Variants in ZNF221 observed in about 807,000 individuals in gnomAD.
ZNF221 encodes zinc finger protein 221.
Under a neutral mutation model 12.6 loss-of-function variants are expected in ZNF221, and 10 were observed. The ratio of observed to expected loss-of-function variants is 0.79; its 90% CI spans 0.49 to 1.34. The LOEUF is 1.34. Among genes scored for constraint, ZNF221 ranks in the 40% most tolerant of loss-of-function variants. The pLI, the probability that ZNF221 is intolerant of heterozygous loss-of-function variation, is 0.00. For missense variants in ZNF221, 661 were observed against 721.4 expected, an observed-to-expected ratio of 0.92 and a Z score of 0.96; for synonymous variants, 232 against 244.0, an observed-to-expected ratio of 0.95 and a Z score of 0.46.
At position 43,966,127 on chromosome 19, in the gene ZNF221, T is replaced by A; in HGVS notation, c.625T>A (p.Tyr209Asn). 1 of 1,614,224 alleles carries A rather than the reference T, an allele frequency of 6.2e-7. No homozygotes were observed. The highest frequency in any genetic ancestry group is 8.5e-7 in the Non-Finnish European group (1 of 1,180,032). The part of the protein sequence containing the change: ...TCGECGKSFC[Y>N]SPALHIHQRV... Reference sequence around the variant, plus strand: ...TGGTGAGTGTGGAAAAAGCTTCTGTTACAGCCCAGCCCTTCATATTCATCA... The same window carrying A: ...TGGTGAGTGTGGAAAAAGCTTCTGTAACAGCCCAGCCCTTCATATTCATCA... The change falls in exon 5 of 5, where the codon TAC becomes AAC. Residue 209 changes from tyrosine to asparagine, a missense_variant. By Grantham distance (143) the Tyr-to-Asn change is moderately radical. Coordinates refer to ENST00000587682, the MANE Select transcript of ZNF221 (RefSeq NM_001297588.2).
chr19:43,967,320 T>C lies in ZNF221; in HGVS notation c.1818T>C (p.Phe606=), dbSNP rs546657075. ...EEIYSEFTAS[F]TSVSLCGRKA... is the part of the protein sequence containing the mutation. ...TCTACTCAGAATTCACAGCTTCATTTACATCAGTAAGTCTATGTGGGAGAA... is the reference window on the plus strand; with the variant it reads ...TCTACTCAGAATTCACAGCTTCATTCACATCAGTAAGTCTATGTGGGAGAA... The change falls in exon 5 of 5, where the codon TTT becomes TTC. Residue 606 remains phenylalanine, a synonymous_variant. Transcript: ENST00000587682. 1 of 1,613,588 alleles carries C rather than the reference T, an allele frequency of 6.2e-7. No individual in the cohort carries two copies.
At chr19:43,960,486 C>T (rs1371432778) in intron 1 of ZNF221, 3 of 152,210 alleles carry the variant, frequency 2.0e-5, no homozygotes, top group Non-Finnish European at 4.4e-5. Context: ...GCATGACTAA[C>T]AGAAAGCCAA....
chr19:43,952,092 C>T (rs981570313), intron 1 of ZNF221, among the ~76,000 whole-genome samples: 1 of 151,524 alleles, frequency 6.6e-6, no homozygotes, highest in Non-Finnish European at 1.5e-5. Context: ...CCAGGATGGT[C>T]TCGATCTCCT....
intron 1 of ZNF221, among the ~76,000 whole-genome samples, chr19:43,954,141 G>A (rs73038543): frequency 0.11 from 15,438 of 145,700 alleles, 921 homozygotes; most frequent in East Asian, 0.14. Context: ...CACATTATCA[G>A]AATCCCATTT....
intron 2 of ZNF221, 151 bp from the exon 3 acceptor site, chr19:43,964,799 A>G: frequency 1.9e-6 from 2 of 1,038,098 alleles, no homozygotes; most frequent in Non-Finnish European, 2.9e-6. Context: ...GTCAGGATAT[A>G]GGCAGAATGA....
At chr19:43,979,422 C>CATAT in the ZNF221 span, among the ~76,000 whole-genome samples, 2,414 of 138,520 alleles carry the variant, frequency 0.017, 38 homozygotes, top group African/African-American at 0.032. Context: ...AACAGTAATA[C>CATAT]ATATATATAT....
rs770384671 is a variant in ZNF221, at chr19:43,965,987, TA to T, written c.487del (p.Ser163ValfsTer199). 186 of 1,614,116 alleles carry T rather than the reference TA, an allele frequency of 1.2e-4. No individual in the cohort carries two copies. Among genetic ancestry groups the T allele is most frequent in the Non-Finnish European group, 1.5e-4 (179 of 1,180,042 alleles). On this transcript the variant is annotated frameshift_variant, in exon 5 of 5. Coordinates refer to ENST00000587682, the MANE Select transcript of ZNF221 (RefSeq NM_001297588.2). LOFTEE classifies it low-confidence loss of function (END_TRUNC). The stretch of plus-strand genomic sequence containing the variant: ...TGCCAGATTGAGGCAAGACTATCTA[TA>T]AGTCACGTGCAACAGAAACCTTACC... ...VPCQIEARLS[I>X]SHVQQKPYRC...
At chr19:43,965,620 A>G (rs928490286) in intron 4 of ZNF221, among the ~76,000 whole-genome samples, 184 bp from the exon 5 acceptor site, 2 of 152,220 alleles carry the variant, frequency 1.3e-5, no homozygotes, top group Non-Finnish European at 2.9e-5. Flanking sequence ...AGGATTTTAC[A>G]TATGAGATGT....
the ZNF221 span, among the ~76,000 whole-genome samples, chr19:43,974,434 A>G: frequency 2.0e-5 from 3 of 152,352 alleles, no homozygotes; most frequent in Admixed American, 2.0e-4. Flanking sequence ...ACACCAAAAG[A>G]AACTATTATC....
intron 1 of ZNF221, among the ~76,000 whole-genome samples, chr19:43,959,508 G>A (rs117672634): frequency 0.038 from 5,842 of 152,282 alleles, 221 homozygotes; most frequent in Non-Finnish European, 0.053. Context: ...GATCCTGGGG[G>A]TGGGTCCGTC....
At chr19:43,979,892 C>T in the ZNF221 span, among the ~76,000 whole-genome samples, 4 of 152,112 alleles carry the variant, frequency 2.6e-5, no homozygotes, top group South Asian at 8.3e-4. Context: ...ACTTTATTTC[C>T]AGTGGAAAAT....
chr19:43,967,497 G>A lies in ZNF221; in HGVS notation c.*141G>A. 1 of 587,194 alleles carries A rather than the reference G, an allele frequency of 1.7e-6. No homozygotes were observed. Among genetic ancestry groups the A allele is most frequent in the Non-Finnish European group, 2.8e-6 (1 of 357,354 alleles). 36.4% of individuals were successfully genotyped at this position (587,194 alleles called of 1,614,324 possible). ...GATCATATCTTTTTTTTTTTTTTTTGAGACAGAGTCTCACTCTTTCACCCA... is the reference window on the plus strand; with the variant it reads ...GATCATATCTTTTTTTTTTTTTTTTAAGACAGAGTCTCACTCTTTCACCCA... On this transcript the variant is annotated 3_prime_UTR_variant, in exon 5 of 5. Coordinates refer to ENST00000587682, the MANE Select transcript of ZNF221 (RefSeq NM_001297588.2).
intron 1 of ZNF221, among the ~76,000 whole-genome samples, chr19:43,954,334 C>T (rs1974720924): frequency 6.6e-6 from 1 of 152,144 alleles, no homozygotes; most frequent in Admixed American, 6.5e-5. Context: ...TACTGGAGTT[C>T]TCTCAATTCA....
downstream of ZNF221, among the ~76,000 whole-genome samples, chr19:43,970,254 C>T (rs1039243657): frequency 1.3e-5 from 2 of 152,028 alleles, no homozygotes; most frequent in East Asian, 3.8e-4. Context: ...CCACAAAAAC[C>T]CCATTCAAGG....
chr19:43,972,500 C>T (rs991243472), downstream of ZNF221, among the ~76,000 whole-genome samples: 1 of 151,716 alleles, frequency 6.6e-6, no homozygotes, highest in African/African-American at 2.4e-5. Flanking sequence ...AATTAATAGA[C>T]TGCTAACTAG....
At chr19:43,956,187 A>G (rs1054479159) in intron 1 of ZNF221, among the ~76,000 whole-genome samples, 14 of 152,220 alleles carry the variant, frequency 9.2e-5, no homozygotes, top group Non-Finnish European at 1.5e-4. Context: ...GAATTTGTCC[A>G]TACCAGCACT....
Position 43,967,247 on chromosome 19 carries a change from G to A in ZNF221, c.1745G>A (p.Arg582Lys), listed in dbSNP as rs763914458. The change falls in exon 5 of 5, where the codon AGA becomes AAA. Residue 582 changes from arginine (R) to lysine (K), a missense_variant. By Grantham distance (26) the Arg-to-Lys change is conservative. Coordinates refer to ENST00000587682, the MANE Select transcript of ZNF221 (RefSeq NM_001297588.2). ...GWASCLLKHQ[R>K]LHSGEKPLKS... Reference sequence around the variant, plus strand: ...GCTTCATGTCTTTTGAAACATCAGAGACTCCACAGTGGAGAAAAGCCATTG... The same window carrying A: ...GCTTCATGTCTTTTGAAACATCAGAAACTCCACAGTGGAGAAAAGCCATTG... 2.5e-6 allele frequency: 4 copies of A among 1,614,010 alleles called. No individual in the cohort carries two copies. The highest frequency in any genetic ancestry group is 3.4e-6 in the Non-Finnish European group (4 of 1,180,036).
chr19:43,961,950 T>G (rs567186180), intron 1 of ZNF221: 8 of 152,334 alleles, frequency 5.3e-5, no homozygotes, highest in African/African-American at 1.9e-4. Context: ...AGATGATATC[T>G]TTCAGATTTT....
rs777137104 is a variant in ZNF221, at chr19:43,967,125, G to T, written c.1623G>T (p.Lys541Asn). The T allele has an allele frequency of 5.0e-6, 8 of 1,595,102 alleles. No homozygotes were observed. Among genetic ancestry groups the T allele is most frequent in the Non-Finnish European group, 6.8e-6 (8 of 1,168,104 alleles). ...TATACAAATGTGAGCAGTGTGAGAAGGGGTACAACAGTAAATTTAATCTTG... is the reference window on the plus strand; with the variant it reads ...TATACAAATGTGAGCAGTGTGAGAATGGGTACAACAGTAAATTTAATCTTG... ...EKLYKCEQCE[K>N]GYNSKFNLDM... Residue 541 changes from lysine to asparagine, a missense_variant, in exon 5 of 5, where the codon AAG becomes AAT. Coordinates refer to ENST00000587682, the MANE Select transcript of ZNF221 (RefSeq NM_001297588.2).
Sources: gnomAD v4.1 joint callset for allele counts (sites outside exome capture counted in the v4.1 genomes callset) on GRCh38, gnomAD v4.1.1 for gene constraint, MANE v1.5 for transcripts, NCBI Gene and HGNC (gene_info 2026-07-23, HGNC 2026-07-21) for gene names.